SPTBN1: variants seen among roughly 807,000 people sequenced by gnomAD.
SPTBN1 encodes spectrin beta, non-erythrocytic 1.
SPTBN1 carries 32 observed loss-of-function variants against 266.4 expected under a neutral mutation model. That is an observed-to-expected ratio of 0.12 (90% confidence interval 0.09 to 0.16). The LOEUF (loss-of-function observed/expected upper bound fraction) is 0.16, where lower values mean the gene tolerates loss of function less well. Ranked by LOEUF, SPTBN1 falls within the 10% of genes least tolerant of loss-of-function variation. SPTBN1 has a pLI of 1.00. For synonymous variants in SPTBN1, 1,336 were observed against 1,162.2 expected (o/e 1.15, Z -3.04); for missense variants, 2,296 against 3,067.1 (o/e 0.75, Z 5.94).
At chr2:54,603,216 G>A (rs1676612673) in intron 3 of SPTBN1, among the ~76,000 whole-genome samples, 1 of 152,128 alleles carries the variant, frequency 6.6e-6, no homozygotes, top group Non-Finnish European at 1.5e-5. Flanking sequence ...AGCTTCACAG[G>A]CCGGGCAGCC....
At chr2:54,562,846 C>T (rs1047168394) in intron 2 of SPTBN1, among the ~76,000 whole-genome samples, 1 of 152,084 alleles carries the variant, frequency 6.6e-6, no homozygotes, top group Non-Finnish European at 1.5e-5. Flanking sequence ...GTGTGAGCCA[C>T]TGCACCCGGC....
chr2:54,533,739 C>T lies in SPTBN1; in HGVS notation c.148+7173C>T, dbSNP rs951304672. ...CTAATTTTTGTATTTTTAGTAGAGACGGGGTTTCACCATGTTGGCCAGGCT... is the reference window on the plus strand; with the variant it reads ...CTAATTTTTGTATTTTTAGTAGAGATGGGGTTTCACCATGTTGGCCAGGCT... On this transcript the variant is annotated intron_variant, in intron 2 of 35. Coordinates refer to ENST00000356805, the MANE Select transcript of SPTBN1 (RefSeq NM_003128.3). The surrounding 1 kb of genome is among the most constrained non-coding windows in gnomAD (Gnocchi z 4.2). Among the ~76,000 whole-genome samples the T allele has an allele frequency of 3.9e-5, 6 of 152,070 alleles. No homozygotes were observed. The highest frequency in any genetic ancestry group is 1.3e-4 in the Admixed American group (2 of 15,270).
intron 1 of SPTBN1, among the ~76,000 whole-genome samples, chr2:54,506,892 C>CACTTTTT (rs1669591868): frequency 1.2e-4 from 1 of 8,346 alleles, no homozygotes. Context: ...CTGGTTCTCT[C>CACTTTTT]TCTTTTTTTT....
At chr2:54,523,109 A>G (rs1670586405) in intron 1 of SPTBN1, among the ~76,000 whole-genome samples, 1 of 152,222 alleles carries the variant, frequency 6.6e-6, no homozygotes, top group Non-Finnish European at 1.5e-5. Flanking sequence ...TCAAGATCAG[A>G]TGATTGCATG....
At position 54,612,864 on chromosome 2, in the gene SPTBN1, C is replaced by G. The variant is rs117044207; in HGVS notation, c.474+530C>G. Among the ~76,000 whole-genome samples the G allele has an allele frequency of 2.0e-5, 3 of 152,280 alleles. No homozygotes were observed. The East Asian group carries it at 5.8e-4, about 29-fold the overall frequency. On this transcript the variant is annotated intron_variant, in intron 4 of 35. Transcript: ENST00000356805. ...GTTTGCAGGAGGAAAGTACAAAACT[C>G]TTGTGTTTCTTTGAATTGATGATGC...
chr2:54,499,294 T>A (rs995937169), intron 1 of SPTBN1, among the ~76,000 whole-genome samples: 10 of 152,258 alleles, frequency 6.6e-5, no homozygotes, highest in African/African-American at 2.4e-4. Flanking sequence ...TTTTTTTGTT[T>A]GTTTAAACTT....
intron 1 of SPTBN1, among the ~76,000 whole-genome samples, chr2:54,492,979 T>C (rs186816789): frequency 7.9e-5 from 12 of 151,984 alleles, no homozygotes; most frequent in African/African-American, 2.9e-4. Context: ...TTTTAAAGTT[T>C]AGATAGAACT....
intron 2 of SPTBN1, among the ~76,000 whole-genome samples, chr2:54,597,584 G>A (rs1352008980): frequency 6.6e-6 from 1 of 152,210 alleles, no homozygotes. Context: ...CGGGGATCTT[G>A]GCAGGTGCCC....
chr2:54,619,846 G>A (rs1188392618), intron 7 of SPTBN1, among the ~76,000 whole-genome samples: 2 of 152,134 alleles, frequency 1.3e-5, no homozygotes, highest in African/African-American at 4.8e-5. Flanking sequence ...AGTGACCCTG[G>A]GCAGGGAGCA....
chr2:54,514,545 G>A (rs1423138833), intron 1 of SPTBN1, among the ~76,000 whole-genome samples: 1 of 152,206 alleles, frequency 6.6e-6, no homozygotes, highest in African/African-American at 2.4e-5. Context: ...GCGTTTGAAT[G>A]TTGTAGGAAG....
intron 16 of SPTBN1, 137 bp downstream of exon 16, chr2:54,631,748 TC>T (rs1417601311): frequency 1.7e-4 from 197 of 1,153,070 alleles, no homozygotes; most frequent in Non-Finnish European, 2.2e-4. Context: ...GATTTTTTTT[TC>T]CCCATACTCT....
intron 3 of SPTBN1, among the ~76,000 whole-genome samples, chr2:54,609,160 C>G (rs763272169): frequency 4.6e-5 from 7 of 152,164 alleles, no homozygotes; most frequent in Non-Finnish European, 1.0e-4. Flanking sequence ...ACCCTTGGAA[C>G]AAATTCAATT....
intron 1 of SPTBN1, among the ~76,000 whole-genome samples, chr2:54,494,805 A>G (rs575780377): frequency 1.3e-5 from 2 of 152,226 alleles, no homozygotes; most frequent in East Asian, 1.9e-4. Context: ...GGGTATGCTC[A>G]TTTTGTTGAT....
Position 54,661,105 on chromosome 2 carries a change from T to C in SPTBN1, c.6420+1106T>C, listed in dbSNP as rs923211770. 3 of 985,420 alleles carry C rather than the reference T, an allele frequency of 3.0e-6. No individual in the cohort carries two copies. In the African/African-American group the frequency reaches 5.2e-5, roughly 17 times the overall value. 61.0% of individuals were successfully genotyped at this position (985,420 alleles called of 1,614,324 possible). A position where few individuals can be genotyped will look rare whatever the true frequency, so the allele number is the denominator to read the frequency against. ...TGTAGACAAACTCCACTGTACATCT[T>C]GGATTAATCTTCTGATTCATTGTTC... On this transcript the variant is annotated intron_variant, in intron 32 of 35. Coordinates refer to ENST00000356805, the MANE Select transcript of SPTBN1 (RefSeq NM_003128.3).
chr2:54,535,069 A>G (rs1016177365), intron 2 of SPTBN1: 1 of 152,060 alleles, frequency 6.6e-6, no homozygotes, highest in African/African-American at 2.4e-5. Context: ...TCTGTGAAAA[A>G]TCTCATAGAA....
intron 1 of SPTBN1, among the ~76,000 whole-genome samples, chr2:54,524,185 C>T (rs1365606487): frequency 2.0e-5 from 3 of 151,550 alleles, no homozygotes; most frequent in Non-Finnish European, 2.9e-5. Context: ...GGTGACAGAG[C>T]GAAACTCCAT....
intron 30 of SPTBN1, among the ~76,000 whole-genome samples, chr2:54,658,416 C>G (rs1680819402): frequency 6.6e-6 from 1 of 152,122 alleles, no homozygotes; most frequent in African/African-American, 2.4e-5. Context: ...ATTAGAATTC[C>G]CATCAAATGG....
chr2:54,658,489 G>T (rs1022879117), intron 30 of SPTBN1, among the ~76,000 whole-genome samples: 3 of 152,120 alleles, frequency 2.0e-5, no homozygotes, highest in African/African-American at 7.2e-5. Flanking sequence ...CAACATAAAG[G>T]CCTTAGAATA....
chr2:54,568,498 A>C (rs1251559010), intron 2 of SPTBN1, among the ~76,000 whole-genome samples: 1 of 152,156 alleles, frequency 6.6e-6, no homozygotes, highest in Non-Finnish European at 1.5e-5. Context: ...ATTTTAACTA[A>C]ATATAAAAAT....
Sources: allele counts gnomAD v4.1 joint callset (sites outside exome capture counted in the v4.1 genomes callset), GRCh38; gene constraint gnomAD v4.1.1; non-coding constraint Gnocchi (gnomAD v3.1); transcripts MANE v1.5; gene names NCBI Gene and HGNC (gene_info 2026-07-23, HGNC 2026-07-21).